The following ASTN2 variants were observed in gnomAD, a reference collection of about 807,000 sequenced individuals.
ASTN2 encodes the protein astrotactin 2, also known as astrotactin-2.
ASTN2 carries 54 observed loss-of-function variants against 139.8 expected under a neutral mutation model. That is an observed-to-expected ratio of 0.39 (90% CI 0.31 to 0.48). The LOEUF (loss-of-function observed/expected upper bound fraction) is 0.48, where lower values mean the gene tolerates loss of function less well. Among genes scored for constraint, ASTN2 ranks in the 20% least tolerant of loss-of-function variants. ASTN2 has a pLI of 0.95. For synonymous variants in ASTN2, 756 were observed against 719.5 expected, an observed-to-expected ratio of 1.05 and a Z score of -0.81; for missense variants, 1,565 against 1,725.1, an observed-to-expected ratio of 0.91 and a Z score of 1.64.
chr9:116,789,785 AGT>A (rs1294445960), intron 13 of ASTN2, among the ~76,000 whole-genome samples: 6 of 152,192 alleles, frequency 3.9e-5, no homozygotes, highest in Admixed American at 2.0e-4. Flanking sequence ...CATGATTTCA[AGT>A]GTGACAGGAC....
intron 22 of ASTN2, among the ~76,000 whole-genome samples, chr9:116,428,191 CAT>C (rs138867313): frequency 0.027 from 4,045 of 152,266 alleles, 62 homozygotes; most frequent in Middle Eastern, 0.051. Flanking sequence ...AGTAGGGAAA[CAT>C]GTGTTGAGCC....
intron 16 of ASTN2, among the ~76,000 whole-genome samples, chr9:116,657,239 C>T (rs1040125702): frequency 6.6e-6 from 1 of 152,122 alleles, no homozygotes; most frequent in African/African-American, 2.4e-5. Context: ...CAATCAAAGT[C>T]CTGCATCATT....
At chr9:116,920,326 A>T (rs971719356) in intron 10 of ASTN2, among the ~76,000 whole-genome samples, 1 of 152,236 alleles carries the variant, frequency 6.6e-6, no homozygotes, top group Admixed American at 6.5e-5. Context: ...TTAGTGGCTT[A>T]AAAGCAGAAG....
Position 116,979,878 on chromosome 9 carries a change from T to C in ASTN2, c.1592-3093A>G, listed in dbSNP as rs147043547. Among the ~76,000 whole-genome samples the C allele has an allele frequency of 2.5e-3, 378 of 152,318 alleles. 4 individuals are homozygous for C. The highest frequency in any genetic ancestry group is 8.6e-3 in the African/African-American group (359 of 41,574). The stretch of plus-strand genomic sequence containing the variant: ...CCTCTTTCTCTCATTTTTGGAAATA[T>C]TGGTGACATTGAGAAATTTATTCAG... On this transcript the variant is annotated intron_variant, in intron 7 of 22. Transcript: ENST00000313400.
At chr9:116,437,907 C>T (rs1383460507) in intron 22 of ASTN2, among the ~76,000 whole-genome samples, 6 of 152,166 alleles carry the variant, frequency 3.9e-5, no homozygotes, top group Non-Finnish European at 8.8e-5. Flanking sequence ...TCATCTCTGT[C>T]CCTGAGAGCC....
At chr9:116,808,303 GTGTGTT>G (rs1278099441) in intron 12 of ASTN2, among the ~76,000 whole-genome samples, 2 of 127,252 alleles carry the variant, frequency 1.6e-5, no homozygotes, top group South Asian at 2.5e-4. Flanking sequence ...GTGTGTGTGT[GTGTGTT>G]TGTGTTTGTG....
chr9:116,425,746 C>T lies in ASTN2; in HGVS notation c.*105G>A. The T allele has an allele frequency of 6.2e-7, 1 of 1,605,546 alleles. No individual in the cohort carries two copies. The highest frequency in any genetic ancestry group is 1.7e-5 in the Admixed American group (1 of 59,342). The stretch of plus-strand genomic sequence containing the variant: ...TTGCTGGCAAGCTTCATCTGCTAGG[C>T]CCATCCTCAGCTGTCCCCCAGCCCA... On this transcript the variant is annotated 3_prime_UTR_variant, in exon 23 of 23. Transcript: ENST00000313400.
intron 6 of ASTN2, among the ~76,000 whole-genome samples, chr9:117,009,681 G>T (rs992328942): frequency 6.6e-6 from 1 of 152,122 alleles, no homozygotes; most frequent in Non-Finnish European, 1.5e-5. Flanking sequence ...CTACCTCACT[G>T]TCAAGTAAAA....
chr9:116,772,437 G>A (rs946898730), intron 13 of ASTN2, among the ~76,000 whole-genome samples: 2 of 152,114 alleles, frequency 1.3e-5, no homozygotes, highest in Non-Finnish European at 2.9e-5. Flanking sequence ...CCAGCCATGT[G>A]GAATTGTGAG....
At chr9:117,147,116 T>C (rs1830215682) in intron 3 of ASTN2, among the ~76,000 whole-genome samples, 1 of 152,150 alleles carries the variant, frequency 6.6e-6, no homozygotes, top group Non-Finnish European at 1.5e-5. Context: ...ATAAGTGTTG[T>C]ATGGGTTTCC....
At chr9:116,523,045 C>T (rs1850943650) in intron 19 of ASTN2, among the ~76,000 whole-genome samples, 1 of 152,084 alleles carries the variant, frequency 6.6e-6, no homozygotes, top group African/African-American at 2.4e-5. Flanking sequence ...AACAAAGACC[C>T]CAAAACTAAG....
At chr9:117,093,393 G>T (rs1022461007) in intron 5 of ASTN2, among the ~76,000 whole-genome samples, 11 of 152,102 alleles carry the variant, frequency 7.2e-5, no homozygotes, top group African/African-American at 2.4e-4. Flanking sequence ...ACAACTTAGG[G>T]AATTGATGCA....
At chr9:117,353,577 G>A (rs1188090291) in intron 1 of ASTN2, among the ~76,000 whole-genome samples, 2 of 152,170 alleles carry the variant, frequency 1.3e-5, no homozygotes. Context: ...GTGCTAAAAA[G>A]ATCAGTCTTT....
At chr9:117,411,917 G>A (rs1429176155) in intron 1 of ASTN2, among the ~76,000 whole-genome samples, 1 of 152,200 alleles carries the variant, frequency 6.6e-6, no homozygotes, top group South Asian at 2.1e-4. Flanking sequence ...GATGGGATGG[G>A]GCTGCCTTGG....
chr9:116,969,256 C>T (rs1836112900), intron 10 of ASTN2, among the ~76,000 whole-genome samples: 1 of 152,162 alleles, frequency 6.6e-6, no homozygotes, highest in African/African-American at 2.4e-5. Flanking sequence ...TCTCAGATTC[C>T]AAACCTGGTT....
At chr9:116,901,378 C>T (rs1363844153) in intron 10 of ASTN2, among the ~76,000 whole-genome samples, 1 of 152,076 alleles carries the variant, frequency 6.6e-6, no homozygotes, top group Non-Finnish European at 1.5e-5. Context: ...ATTAGCCAGA[C>T]ATAGTGGCAT....
intron 1 of ASTN2, among the ~76,000 whole-genome samples, chr9:117,341,823 G>A (rs1829068572): frequency 6.6e-6 from 1 of 152,138 alleles, no homozygotes; most frequent in Non-Finnish European, 1.5e-5. Context: ...GGAAAATCCT[G>A]CCTTGTTTCT....
intron 10 of ASTN2, among the ~76,000 whole-genome samples, chr9:116,946,744 G>A (rs188981731): frequency 5.9e-4 from 90 of 152,102 alleles, no homozygotes; most frequent in Admixed American, 1.6e-3. Context: ...GGCTTGAGGT[G>A]GGAAGGATGC....
chr9:117,318,213 T>C (rs1828209102), intron 1 of ASTN2, among the ~76,000 whole-genome samples: 1 of 152,186 alleles, frequency 6.6e-6, no homozygotes, highest in African/African-American at 2.4e-5. Flanking sequence ...CTTTAGAAAG[T>C]TGCTTGTGTT....
Sources: gnomAD v4.1 joint callset for allele counts (sites outside exome capture counted in the v4.1 genomes callset) on GRCh38, gnomAD v4.1.1 for gene constraint, MANE v1.5 for transcripts, NCBI Gene and HGNC (gene_info 2026-07-23, HGNC 2026-07-21) for gene names.